ZNF676: variants seen among roughly 807,000 people sequenced by gnomAD.
ZNF676 encodes zinc finger protein 676.
In ZNF676, 4 loss-of-function variants were observed where a neutral mutation model predicts 6.0. That is an observed-to-expected ratio of 0.67 (90% CI 0.33 to 1.53). The LOEUF (loss-of-function observed/expected upper bound fraction) is 1.53. ZNF676 is among the 40% of genes most tolerant of loss of function. The probability of loss-of-function intolerance (pLI) is 0.06; values close to 1 mark genes in which losing one functional copy is unlikely to be tolerated. For missense variants in ZNF676, 644 were observed against 679.7 expected (o/e 0.95, Z 0.58); for synonymous variants, 198 against 223.1 (o/e 0.89, Z 1.00).
intron 1 of ZNF676, among the ~76,000 whole-genome samples, chr19:22,206,976 C>T (rs2024083200): frequency 6.6e-6 from 1 of 152,174 alleles, no homozygotes; most frequent in African/African-American, 2.4e-5. Context: ...GACAAATCCA[C>T]AGCCAAAATA....
the ZNF676 span, among the ~76,000 whole-genome samples, chr19:22,234,968 GAAAGAAAGAAAGAA>G: frequency 1.2e-4 from 3 of 24,476 alleles, no homozygotes; most frequent in Admixed American, 1.5e-3. Context: ...GCAAGAGAAA[GAAAGAAAGAAAGAA>G]AGAAAGAAAG....
chr19:22,203,971 C>T (rs2024051508), intron 1 of ZNF676: 2 of 152,284 alleles, frequency 1.3e-5, no homozygotes, highest in South Asian at 4.1e-4. Context: ...GAGATCTACA[C>T]TGGAATATAT....
the ZNF676 span, among the ~76,000 whole-genome samples, chr19:22,235,651 T>C: frequency 1.3e-5 from 2 of 152,204 alleles, no homozygotes; most frequent in Non-Finnish European, 2.9e-5. Flanking sequence ...GTGTTTGCTA[T>C]TTCTTGCTCA....
At chr19:22,210,229 C>G (rs987861288) in intron 1 of ZNF676, among the ~76,000 whole-genome samples, 1 of 152,076 alleles carries the variant, frequency 6.6e-6, no homozygotes, top group African/African-American at 2.4e-5. Flanking sequence ...TTGATGAACA[C>G]CAACAATTCT....
chr19:22,228,611 A>G, the ZNF676 span, among the ~76,000 whole-genome samples: 2 of 152,158 alleles, frequency 1.3e-5, no homozygotes, highest in Non-Finnish European at 2.9e-5. Flanking sequence ...AAACTCCATC[A>G]TCTCCGCCCC....
upstream of ZNF676, among the ~76,000 whole-genome samples, chr19:22,198,812 T>A (rs1454970902): frequency 6.6e-6 from 1 of 152,078 alleles, no homozygotes; most frequent in Non-Finnish European, 1.5e-5. Flanking sequence ...CACCAGCAAT[T>A]TCTGCCACAG....
chr19:22,234,962 G>GAGA, the ZNF676 span, among the ~76,000 whole-genome samples: 1 of 101,242 alleles, frequency 9.9e-6, no homozygotes, highest in Non-Finnish European at 1.9e-5. Flanking sequence ...AAGAAAGCAA[G>GAGA]AGAAAGAAAG....
the ZNF676 span, among the ~76,000 whole-genome samples, chr19:22,227,473 A>G: frequency 6.6e-6 from 1 of 152,196 alleles, no homozygotes; most frequent in African/African-American, 2.4e-5. Flanking sequence ...GAGCAAACAA[A>G]TTCAAATGCT....
chr19:22,257,908 T>G, the ZNF676 span, among the ~76,000 whole-genome samples: 3 of 152,080 alleles, frequency 2.0e-5, no homozygotes, highest in Non-Finnish European at 4.4e-5. Context: ...CTCACCCATA[T>G]GTAATGATCA....
Position 22,202,107 on chromosome 19 carries a change from TG to T in ZNF676, c.4-5382del, listed in dbSNP as rs1427377883. ...TGGAGCTGCAAATTCAGGTCCTGCATGGGTAAAGTAGCAGCAGGTGGTATCT... is the reference window on the plus strand; with the variant it reads ...TGGAGCTGCAAATTCAGGTCCTGCATGGTAAAGTAGCAGCAGGTGGTATCT... On this transcript the variant is annotated intron_variant, in intron 1 of 3. Coordinates refer to the ZNF676 transcript ENST00000650058. Among the ~76,000 whole-genome samples, 4 of 151,998 alleles carry T rather than the reference TG, an allele frequency of 2.6e-5. No homozygotes were observed. In the East Asian group the frequency reaches 7.7e-4, roughly 29 times the overall value.
intron 1 of ZNF676, among the ~76,000 whole-genome samples, chr19:22,205,039 G>C (rs923877460): frequency 5.3e-5 from 8 of 152,020 alleles, no homozygotes; most frequent in African/African-American, 1.7e-4. Flanking sequence ...CTCTGGACAA[G>C]TTCTTGAACT....
At chr19:22,246,742 C>T in the ZNF676 span, among the ~76,000 whole-genome samples, 1 of 152,226 alleles carries the variant, frequency 6.6e-6, no homozygotes, top group Admixed American at 6.5e-5. Flanking sequence ...AGCGTTACAT[C>T]ACCTGTGTGT....
the ZNF676 span, among the ~76,000 whole-genome samples, chr19:22,225,281 C>T: frequency 1.3e-3 from 204 of 151,580 alleles, 1 homozygote; most frequent in African/African-American, 4.5e-3. Flanking sequence ...TAAAATGTGA[C>T]AAAATTTTCT....
At chr19:22,258,195 C>T in the ZNF676 span, among the ~76,000 whole-genome samples, 1 of 152,110 alleles carries the variant, frequency 6.6e-6, no homozygotes, top group African/African-American at 2.4e-5. Context: ...TACCTAGGTG[C>T]TGGGCCCAGA....
At position 22,184,170 on chromosome 19, in the gene ZNF676, A is replaced by G. The variant is rs182740216; in HGVS notation, c.131-2584T>C. Among the ~76,000 whole-genome samples, 683 of 152,238 alleles carry G rather than the reference A, an allele frequency of 4.5e-3. 5 individuals are homozygous for G. The highest frequency in any genetic ancestry group is 0.016 in the African/African-American group (650 of 41,562). On this transcript the variant is annotated intron_variant, in intron 2 of 2. Coordinates refer to ENST00000397121, the MANE Select transcript of ZNF676 (RefSeq NM_001001411.3). ...CAACTGAGGTACCCGGTTTATCTCAACGGGACTGGTTGAACAGTGGATGCA... is the reference window on the plus strand; with the variant it reads ...CAACTGAGGTACCCGGTTTATCTCAGCGGGACTGGTTGAACAGTGGATGCA...
At chr19:22,239,197 ATTTTTT>A in the ZNF676 span, among the ~76,000 whole-genome samples, 1 of 130,098 alleles carries the variant, frequency 7.7e-6, no homozygotes, top group Non-Finnish European at 1.6e-5. Context: ...CCAACTGTGA[ATTTTTT>A]TTTTTTTTTT....
upstream of ZNF676, among the ~76,000 whole-genome samples, chr19:22,217,746 C>T (rs183961304): frequency 1.3e-5 from 2 of 152,056 alleles, no homozygotes; most frequent in African/African-American, 2.4e-5. Context: ...GTCTGTCACA[C>T]AGACTGGACT....
chr19:22,258,081 G>C, the ZNF676 span, among the ~76,000 whole-genome samples: 11 of 152,124 alleles, frequency 7.2e-5, no homozygotes, highest in Non-Finnish European at 1.5e-4. Context: ...AATTATTCCT[G>C]TGAGCAAAGA....
chr19:22,230,451 A>C, the ZNF676 span, among the ~76,000 whole-genome samples: 5 of 152,090 alleles, frequency 3.3e-5, no homozygotes, highest in Non-Finnish European at 7.4e-5. Context: ...TACCTGTGTA[A>C]CAAACCTGCA....
Sources: allele counts gnomAD v4.1 joint callset (sites outside exome capture counted in the v4.1 genomes callset), GRCh38; gene constraint gnomAD v4.1.1; transcripts MANE v1.5; gene names NCBI Gene and HGNC (gene_info 2026-07-23, HGNC 2026-07-21).